Variants in SAXO1 observed in about 807,000 individuals in gnomAD.
The protein encoded by SAXO1 is 4930500O09Rik.
SAXO1 carries 21 observed loss-of-function variants against 17.5 expected under a neutral mutation model. The ratio of observed to expected loss-of-function variants is 1.20; its 90% CI spans 0.85 to 1.72. The LOEUF (loss-of-function observed/expected upper bound fraction) is 1.72. Among genes scored for constraint, SAXO1 ranks in the 40% most tolerant of loss-of-function variants. SAXO1 has a pLI of 0.00. For synonymous variants in SAXO1, 274 were observed against 216.5 expected, an observed-to-expected ratio of 1.27 and a Z score of -2.33; for missense variants, 843 against 596.0, an observed-to-expected ratio of 1.41 and a Z score of -4.32.
chr9:18,963,198 G>A (rs746666574), intron 1 of SAXO1, among the ~76,000 whole-genome samples: 5 of 152,100 alleles, frequency 3.3e-5, no homozygotes, highest in South Asian at 2.1e-4. Context: ...TTTGGTTATC[G>A]TAGCCTTGTA....
chr9:19,006,547 C>T (rs1483713736), intron 1 of SAXO1, among the ~76,000 whole-genome samples: 2 of 152,142 alleles, frequency 1.3e-5, no homozygotes, highest in Non-Finnish European at 2.9e-5. Context: ...TCTCCACTTA[C>T]GAGGTACCTG....
At chr9:18,954,211 G>A (rs1355265323) in intron 1 of SAXO1, among the ~76,000 whole-genome samples, 2 of 152,140 alleles carry the variant, frequency 1.3e-5, no homozygotes, top group African/African-American at 4.8e-5. Context: ...CTGACTTTCT[G>A]ATACTTGGAA....
intron 1 of SAXO1, among the ~76,000 whole-genome samples, chr9:18,959,500 G>A (rs886567361): frequency 3.3e-5 from 5 of 152,172 alleles, no homozygotes; most frequent in Non-Finnish European, 5.9e-5. Flanking sequence ...GATTCAAGGT[G>A]TAGTTCATGC....
At chr9:18,934,113 T>C (rs566387262) in intron 3 of SAXO1, among the ~76,000 whole-genome samples, 6 of 152,336 alleles carry the variant, frequency 3.9e-5, no homozygotes, top group African/African-American at 1.2e-4. Context: ...CTCTTTTGCC[T>C]CCTTCCAAAT....
chr9:18,962,025 G>C (rs2131760843), intron 1 of SAXO1, among the ~76,000 whole-genome samples: 1 of 152,200 alleles, frequency 6.6e-6, no homozygotes, highest in South Asian at 2.1e-4. Context: ...CATTCTGACT[G>C]GTGTGAGATG....
chr9:18,950,750 G>A lies in SAXO1; in HGVS notation c.218+8C>T, dbSNP rs1831999944. 6.2e-7 allele frequency: 1 copy of A among 1,611,034 alleles called. No individual in the cohort carries two copies. Among genetic ancestry groups the A allele is most frequent in the Non-Finnish European group, 8.5e-7 (1 of 1,177,940 alleles). ...GTACCTGCATACATTAATACTGTTT[G>A]CCCTCACCTTGATGTAGTCAGGCCT... On this transcript the variant is annotated splice_region_variant and intron_variant, in intron 2 of 3. Transcript: ENST00000380534.
upstream of SAXO1, among the ~76,000 whole-genome samples, chr9:19,036,066 G>A (rs1370704220): frequency 6.7e-6 from 1 of 149,654 alleles, no homozygotes; most frequent in Admixed American, 6.7e-5. Flanking sequence ...GAGAACACAT[G>A]GACACAGGGA....
At chr9:18,997,682 T>C (rs1486824823) in intron 1 of SAXO1, among the ~76,000 whole-genome samples, 9 of 152,200 alleles carry the variant, frequency 5.9e-5, no homozygotes, top group Admixed American at 5.9e-4. Flanking sequence ...CTGACCCCCA[T>C]GTAGCCTGAC....
chr9:18,937,977 T>C (rs756752320), intron 3 of SAXO1, among the ~76,000 whole-genome samples: 3 of 152,192 alleles, frequency 2.0e-5, no homozygotes, highest in Admixed American at 6.5e-5. Context: ...AAGTGTTTCC[T>C]TTAGCTACAT....
At chr9:19,037,529 G>C (rs559838431), upstream of SAXO1, among the ~76,000 whole-genome samples, 12 of 152,242 alleles carry the variant, frequency 7.9e-5, no homozygotes, top group African/African-American at 2.4e-4. Context: ...ATTTATCAGG[G>C]GTTTCCGCTT....
At chr9:19,021,050 A>G (rs529273343) in intron 1 of SAXO1, among the ~76,000 whole-genome samples, 1 of 152,242 alleles carries the variant, frequency 6.6e-6, no homozygotes, top group African/African-American at 2.4e-5. Flanking sequence ...CATCTTTATT[A>G]CCTAAAACTG....
At position 18,928,281 on chromosome 9, in the gene SAXO1, T is replaced by C. The variant is rs748984045; in HGVS notation, c.1196A>G (p.Asn399Ser). 1 of 1,612,748 alleles carries C rather than the reference T, an allele frequency of 6.2e-7. No individual in the cohort carries two copies. The highest frequency in any genetic ancestry group is 8.5e-7 in the Non-Finnish European group (1 of 1,178,994). ...CKPHWSGPRG[N>S]VPVESQTTYT... ...GGTGGTCTGGCTTTCCACAGGGACA[T>C]TTCCTCGAGGGCCAGACCAATGAGG... The change falls in exon 4 of 4, where the codon AAT becomes AGT. Residue 399 changes from asparagine to serine, a missense_variant. Physicochemically the swap from Asn to Ser is conservative, Grantham distance 46. Transcript: ENST00000380534.
intron 1 of SAXO1, among the ~76,000 whole-genome samples, chr9:18,975,658 T>C (rs1425948159): frequency 2.0e-5 from 3 of 152,206 alleles, no homozygotes; most frequent in Non-Finnish European, 2.9e-5. Context: ...CTATGCATTG[T>C]ATAAATGAGA....
At chr9:18,929,078 A>G (rs960167135) in intron 3 of SAXO1, 23 bp from the exon 4 acceptor site, 3 of 1,607,288 alleles carry the variant, frequency 1.9e-6, no homozygotes, top group Non-Finnish European at 2.5e-6. Flanking sequence ...CAGAAGAGGT[A>G]ATTAATAATA....
intron 1 of SAXO1, among the ~76,000 whole-genome samples, chr9:19,012,862 G>A (rs1339159487): frequency 1.3e-5 from 2 of 152,138 alleles, no homozygotes; most frequent in Non-Finnish European, 2.9e-5. Flanking sequence ...TAAGGGAGGC[G>A]CTGCGGAGCT....
At chr9:18,936,922 G>A (rs1831320679) in intron 3 of SAXO1, among the ~76,000 whole-genome samples, 1 of 152,066 alleles carries the variant, frequency 6.6e-6, no homozygotes, top group African/African-American at 2.4e-5. Flanking sequence ...GAGTGAAAAG[G>A]GGAAAAAAAG....
At chr9:18,985,621 C>T (rs928915907) in intron 1 of SAXO1, among the ~76,000 whole-genome samples, 4 of 152,108 alleles carry the variant, frequency 2.6e-5, no homozygotes, top group Non-Finnish European at 5.9e-5. Flanking sequence ...TGGGCAGAGA[C>T]CCAGCACCTC....
chr9:18,965,608 C>T (rs1321542933), intron 1 of SAXO1, among the ~76,000 whole-genome samples: 1 of 151,100 alleles, frequency 6.6e-6, no homozygotes, highest in East Asian at 1.9e-4. Flanking sequence ...GGTATATCTT[C>T]CTCCGTCCCT....
At chr9:18,952,376 G>A (rs778071910) in intron 1 of SAXO1, among the ~76,000 whole-genome samples, 4 of 152,196 alleles carry the variant, frequency 2.6e-5, no homozygotes, top group Non-Finnish European at 5.9e-5. Context: ...AAGAAACCAA[G>A]AATTCCTCAC....
Sources: allele counts gnomAD v4.1 joint callset (sites outside exome capture counted in the v4.1 genomes callset), GRCh38; gene constraint gnomAD v4.1.1; transcripts MANE v1.5; gene names NCBI Gene and HGNC (gene_info 2026-07-23, HGNC 2026-07-21).